SPOP: variants seen among roughly 807,000 people sequenced by gnomAD.
SPOP encodes speckle type BTB/POZ protein.
A neutral mutation model predicts 45.6 loss-of-function variants in SPOP; 11 were observed. The ratio of observed to expected loss-of-function variants is 0.24; its 90% CI spans 0.15 to 0.40. The LOEUF is 0.40. SPOP is among the 10% of genes least tolerant of loss of function. The probability of loss-of-function intolerance (pLI) is 1.00; values close to 1 mark genes in which losing one functional copy is unlikely to be tolerated. For missense variants in SPOP, 152 were observed against 465.6 expected (o/e 0.33, Z 6.20); for synonymous variants, 166 against 166.3 (o/e 1.00, Z 0.01).
At chr17:49,626,811 G>A (rs185857848) in intron 1 of SPOP, among the ~76,000 whole-genome samples, 2 of 152,194 alleles carry the variant, frequency 1.3e-5, no homozygotes, top group East Asian at 3.9e-4. Context: ...ACTCATAAAT[G>A]AAATGAGATG....
intron 1 of SPOP, among the ~76,000 whole-genome samples, chr17:49,671,107 A>C (rs186328050): frequency 3.7e-4 from 57 of 152,238 alleles, no homozygotes; most frequent in African/African-American, 1.3e-3. Flanking sequence ...TGCTCTCTTC[A>C]GAGATACTGC....
intron 6 of SPOP, among the ~76,000 whole-genome samples, chr17:49,608,984 T>C (rs1457542920): frequency 6.6e-6 from 1 of 151,912 alleles, no homozygotes; most frequent in Admixed American, 6.6e-5. Flanking sequence ...TCTTGGCTCA[T>C]TGCAACGTCT....
intron 1 of SPOP, among the ~76,000 whole-genome samples, chr17:49,652,907 A>C (rs549426360): frequency 1.3e-5 from 2 of 152,360 alleles, no homozygotes; most frequent in East Asian, 3.9e-4. Context: ...AGTTGCTTTA[A>C]GAACTGTCTT....
intron 1 of SPOP, among the ~76,000 whole-genome samples, chr17:49,648,617 G>A (rs1281575808): frequency 2.0e-5 from 3 of 152,116 alleles, no homozygotes; most frequent in Non-Finnish European, 4.4e-5. Context: ...ATCACATGTG[G>A]TCCTGCCGGG....
chr17:49,602,073 G>A, intron 8 of SPOP, 66 bp from the exon 9 acceptor site: 3 of 1,570,556 alleles, frequency 1.9e-6, no homozygotes, highest in Non-Finnish European at 1.7e-6. Flanking sequence ...TACTGAAGCT[G>A]TTTTCTTTAG....
At chr17:49,603,283 T>A (rs2071773861) in intron 8 of SPOP, among the ~76,000 whole-genome samples, 1 of 152,158 alleles carries the variant, frequency 6.6e-6, no homozygotes, top group African/African-American at 2.4e-5. Context: ...AAGCAAGAAA[T>A]GAAGTTGCCG....
At chr17:49,622,977 G>A in intron 1 of SPOP, 101 bp from the exon 2 acceptor site, 1 of 588,010 alleles carries the variant, frequency 1.7e-6, no homozygotes, top group Non-Finnish European at 3.0e-6. Flanking sequence ...TCTCCACATT[G>A]TTTGAGTGGC....
intron 1 of SPOP, among the ~76,000 whole-genome samples, chr17:49,667,276 AG>A (rs1039565859): frequency 5.5e-4 from 83 of 150,240 alleles, no homozygotes; most frequent in African/African-American, 1.9e-3. Context: ...TTGCCCTAAA[AG>A]GGATATCCAG....
chr17:49,631,379 T>C (rs2072448841), intron 1 of SPOP, among the ~76,000 whole-genome samples: 1 of 152,218 alleles, frequency 6.6e-6, no homozygotes, highest in South Asian at 2.1e-4. Flanking sequence ...CTAGGGATGC[T>C]GGTTACTCCC....
At chr17:49,677,165 A>G (rs1161046666) in intron 1 of SPOP, among the ~76,000 whole-genome samples, 1 of 152,234 alleles carries the variant, frequency 6.6e-6, no homozygotes, top group Non-Finnish European at 1.5e-5. Flanking sequence ...AGTCTTCTTT[A>G]GCAAGGCTTC....
Position 49,599,219 on chromosome 17 carries a change from G to A in SPOP, c.*1159C>T, listed in dbSNP as rs556635462. On this transcript the variant is annotated 3_prime_UTR_variant, in exon 10 of 10. Coordinates refer to ENST00000504102, the MANE Select transcript of SPOP (RefSeq NM_001007228.2). Reference sequence around the variant, plus strand: ...AAACTAGGACTTCAAAATCCCTTAAGCAAGGGACTCAGACCCAAGAGACAA... The same window carrying A: ...AAACTAGGACTTCAAAATCCCTTAAACAAGGGACTCAGACCCAAGAGACAA... 9.1e-6 allele frequency: 2 copies of A among 220,286 alleles called. No individual in the cohort carries two copies. The highest frequency in any genetic ancestry group is 5.8e-5 in the Admixed American group (1 of 17,252). The allele number at this position is 220,286 out of a possible 1,614,324, so 13.6% of individuals were successfully genotyped here.
At position 49,608,609 on chromosome 17, in the gene SPOP, G is replaced by T. The variant is rs79331561; in HGVS notation, c.659-680C>A. Among the ~76,000 whole-genome samples the T allele has an allele frequency of 6.7e-3, 1,020 of 152,248 alleles. 3 individuals are homozygous for T. The highest frequency in any genetic ancestry group is 0.023 in the African/African-American group (944 of 41,548). On this transcript the variant is annotated intron_variant, in intron 6 of 9. Coordinates refer to ENST00000504102, the MANE Select transcript of SPOP (RefSeq NM_001007228.2). ...AATTTAGTTTTTCTCCTTAGAGGCA[G>T]GGATAATGAAGGTTGGAAGGTTGAG...
chr17:49,673,401 G>A (rs2073161824), intron 1 of SPOP, among the ~76,000 whole-genome samples: 1 of 151,774 alleles, frequency 6.6e-6, no homozygotes, highest in South Asian at 2.1e-4. Flanking sequence ...AGCTACTTGG[G>A]AGGCTGAGGC....
chr17:49,644,763 CAT>C (rs1301827500), intron 1 of SPOP, among the ~76,000 whole-genome samples: 2 of 152,092 alleles, frequency 1.3e-5, no homozygotes, highest in Non-Finnish European at 1.5e-5. Flanking sequence ...TATACTCACA[CAT>C]ATGTATATAA....
At chr17:49,605,437 T>C (rs376254116) in intron 8 of SPOP, among the ~76,000 whole-genome samples, 3 of 152,230 alleles carry the variant, frequency 2.0e-5, no homozygotes, top group Admixed American at 1.3e-4. Context: ...CACCCATAAT[T>C]TCAGCACTTT....
intron 1 of SPOP, among the ~76,000 whole-genome samples, chr17:49,674,892 C>T (rs2073180282): frequency 6.6e-6 from 1 of 152,140 alleles, no homozygotes; most frequent in Non-Finnish European, 1.5e-5. Flanking sequence ...ATGACCCCTC[C>T]CCAATCTGCA....
In SPOP at chr17:49,673,438, G is replaced by A. The variant is rs368914905; in HGVS notation, c.-67+4495C>T. Among the ~76,000 whole-genome samples, 1,080 of 151,160 alleles carry A rather than the reference G, an allele frequency of 7.1e-3. 13 individuals are homozygous for A. Among genetic ancestry groups the A allele is most frequent in the African/African-American group, 0.024 (1,007 of 41,178 alleles). ...GGAGAATGGCATGAACCCAGGAGGC[G>A]GAGCTTGCAGTGAGCCAAGATCGCG... On this transcript the variant is annotated intron_variant, in intron 1 of 9. Transcript: ENST00000504102.
At chr17:49,617,745 A>G (rs1462118967) in intron 5 of SPOP, among the ~76,000 whole-genome samples, 3 of 151,816 alleles carry the variant, frequency 2.0e-5, no homozygotes, top group African/African-American at 7.3e-5. Context: ...CCAACATGGT[A>G]AAACCCCATC....
chr17:49,656,535 T>A (rs1567798747), intron 1 of SPOP, among the ~76,000 whole-genome samples: 1 of 152,222 alleles, frequency 6.6e-6, no homozygotes, highest in Non-Finnish European at 1.5e-5. Context: ...TGTCAGCTCA[T>A]ACATACAACC....
Sources: gnomAD v4.1 joint callset for allele counts (sites outside exome capture counted in the v4.1 genomes callset) on GRCh38, gnomAD v4.1.1 for gene constraint, MANE v1.5 for transcripts, NCBI Gene and HGNC (gene_info 2026-07-23, HGNC 2026-07-21) for gene names.